EIF4A3: variants seen among roughly 807,000 people sequenced by gnomAD.
EIF4A3 encodes eukaryotic translation initiation factor 4A3.
EIF4A3 carries 1 observed loss-of-function variant against 55.6 expected under a neutral mutation model. That is an observed-to-expected ratio of 0.02 (90% CI 0.01 to 0.09). EIF4A3 has a LOEUF of 0.09. EIF4A3 is among the 10% of genes least tolerant of loss of function. EIF4A3 has a pLI of 1.00. For missense variants in EIF4A3, 221 were observed against 540.7 expected, an observed-to-expected ratio of 0.41 and a Z score of 5.86; for synonymous variants, 194 against 196.3, an observed-to-expected ratio of 0.99 and a Z score of 0.10.
chr17:80,136,178 A>G (rs1479980207), intron 10 of EIF4A3, 47 bp from the exon 11 acceptor site: 2 of 1,613,332 alleles, frequency 1.2e-6, no homozygotes, highest in Admixed American at 3.3e-5. Context: ...AACAATCAAG[A>G]TTTAGTAAAT....
At chr17:80,139,245 G>A in intron 6 of EIF4A3, 83 bp from the exon 7 acceptor site, 1 of 1,552,350 alleles carries the variant, frequency 6.4e-7, no homozygotes. Context: ...GTTCCCACTG[G>A]GTTAGAGGCA....
intron 1 of EIF4A3, among the ~76,000 whole-genome samples, chr17:80,144,674 AAAAAAAACAAC>A (rs1400169636): frequency 6.6e-6 from 1 of 152,114 alleles, no homozygotes; most frequent in African/African-American, 2.4e-5. Context: ...TTAAATTAAA[AAAAAAAACAAC>A]AAAAAAACAG....
intron 9 of EIF4A3, 31 bp downstream of exon 9, chr17:80,137,355 G>A: frequency 6.3e-7 from 1 of 1,597,316 alleles, no homozygotes; most frequent in Non-Finnish European, 8.6e-7. Context: ...AGCAAACCCT[G>A]ACCTGCAGAG....
At chr17:80,136,400 T>G in intron 9 of EIF4A3, 65 bp from the exon 10 acceptor site, 1 of 1,340,970 alleles carries the variant, frequency 7.5e-7, no homozygotes, top group East Asian at 2.3e-5. Flanking sequence ...TGGACTTGCT[T>G]CCATTGCTAA....
chr17:80,136,339 CA>C lies in EIF4A3; in HGVS notation c.984-5del, dbSNP rs2039569670. The C allele has an allele frequency of 4.4e-6, 7 of 1,608,236 alleles. No individual in the cohort carries two copies. The highest frequency in any genetic ancestry group is 5.9e-6 in the Non-Finnish European group (7 of 1,177,210). The stretch of plus-strand genomic sequence containing the variant: ...ATCTGTAGAAATAAGCACTCGGCTG[CA>C]AAAAGAAAGAGTGTTTGAGGCGATT... On this transcript the variant is annotated splice_polypyrimidine_tract_variant and splice_region_variant and intron_variant, in intron 9 of 11. Transcript: ENST00000649764.
intron 9 of EIF4A3, 169 bp downstream of exon 9, chr17:80,137,217 C>T (rs1029850707): frequency 5.1e-5 from 28 of 549,852 alleles, no homozygotes; most frequent in African/African-American, 3.9e-4. Context: ...AGGAGCACAG[C>T]GGACCCCTCC....
rs1462960411 is a variant in EIF4A3, at chr17:80,134,542, G to T, written c.*948C>A. 6.6e-6 allele frequency among the ~76,000 whole-genome samples: 1 copy of T among 151,946 alleles called. No homozygotes were observed. Among genetic ancestry groups the T allele is most frequent in the East Asian group, 1.9e-4 (1 of 5,182 alleles). On this transcript the variant is annotated 3_prime_UTR_variant, in exon 12 of 12. Coordinates refer to ENST00000649764, the MANE Select transcript of EIF4A3 (RefSeq NM_014740.4). ...CAAAAAAAAAAAATTAGAAAAATGA[G>T]GCCAGGCATGGTGGCTCACACCTGT...
intron 5 of EIF4A3, 128 bp downstream of exon 5, chr17:80,139,880 C>G: frequency 6.6e-7 from 1 of 1,507,170 alleles, no homozygotes; most frequent in South Asian, 1.3e-5. Context: ...CTTCCCTCTA[C>G]CTCCTGCAAG....
intron 4 of EIF4A3, 66 bp from the exon 5 acceptor site, chr17:80,140,206 A>G (rs531114424): frequency 2.1e-6 from 3 of 1,447,192 alleles, no homozygotes; most frequent in Non-Finnish European, 1.8e-6. Flanking sequence ...CCAAAAAGAA[A>G]GACTGTTTCT....
At chr17:80,142,147 A>G (rs550775951) in intron 2 of EIF4A3, among the ~76,000 whole-genome samples, 14 of 152,174 alleles carry the variant, frequency 9.2e-5, no homozygotes, top group Middle Eastern at 3.4e-3. Context: ...TCTAAATACA[A>G]CTCTTTTCCT....
chr17:80,137,539 A>G (rs1481515912), intron 8 of EIF4A3, 38 bp from the exon 9 acceptor site: 1 of 1,550,812 alleles, frequency 6.4e-7, no homozygotes, highest in Non-Finnish European at 8.9e-7. Flanking sequence ...GCAAGCTAGT[A>G]TACCAAAGCA....
rs1233726210 is a variant in EIF4A3, at chr17:80,134,984, T to C, written c.*506A>G. 6.6e-6 allele frequency among the ~76,000 whole-genome samples: 1 copy of C among 151,806 alleles called. No homozygotes were observed. Among genetic ancestry groups the C allele is most frequent in the African/African-American group, 2.4e-5 (1 of 41,302 alleles). ...GGCTAACACGGTGAAACCCCGTCTCTACTGAAAATACAAAAAAATTAGCCT... is the reference window on the plus strand; with the variant it reads ...GGCTAACACGGTGAAACCCCGTCTCCACTGAAAATACAAAAAAATTAGCCT... On this transcript the variant is annotated 3_prime_UTR_variant, in exon 12 of 12. Coordinates refer to ENST00000649764, the MANE Select transcript of EIF4A3 (RefSeq NM_014740.4).
intron 4 of EIF4A3, among the ~76,000 whole-genome samples, chr17:80,140,806 T>C (rs966188366): frequency 4.6e-5 from 7 of 152,176 alleles, no homozygotes; most frequent in African/African-American, 1.7e-4. Context: ...ACAATTTATT[T>C]TTTTTTTGAG....
chr17:80,140,143 G>A lies in EIF4A3; in HGVS notation c.373-3C>T. 1 of 1,592,028 alleles carries A rather than the reference G, an allele frequency of 6.3e-7. No homozygotes were observed. Among genetic ancestry groups the A allele is most frequent in the Non-Finnish European group, 8.6e-7 (1 of 1,168,038 alleles). ...TAGTCACCGAGAGCAAGCAGCCCCT[G>A]AAACAAAGCACAGGTTCACGTCCAG... On this transcript the variant is annotated splice_polypyrimidine_tract_variant and splice_region_variant and intron_variant, in intron 4 of 11. Transcript: ENST00000649764.
Position 80,141,921 on chromosome 17 carries a change from G to A in EIF4A3, c.243-73C>T. On this transcript the variant is annotated intron_variant, in intron 2 of 11. Coordinates refer to ENST00000649764, the MANE Select transcript of EIF4A3 (RefSeq NM_014740.4). ...GCCACAGCTGCACTCCAAGGCCTGG[G>A]CTCCAGAGGCACTTAGGTACCTTCT... is the stretch of plus-strand genomic sequence containing the variant. 7 of 1,253,966 alleles carry A rather than the reference G, an allele frequency of 5.6e-6. No homozygotes were observed. The South Asian group carries it at 8.7e-5, about 16-fold the overall frequency. The allele number at this position is 1,253,966 out of a possible 1,614,324, so 77.7% of individuals were successfully genotyped here.
chr17:80,138,481 T>A (rs531093579), intron 7 of EIF4A3: 2 of 569,780 alleles, frequency 3.5e-6, no homozygotes, highest in Non-Finnish European at 6.2e-6. Context: ...ACTTAACATT[T>A]CACAATGTGC....
intron 2 of EIF4A3, 34 bp downstream of exon 2, chr17:80,144,138 A>G: frequency 6.2e-7 from 1 of 1,610,558 alleles, no homozygotes; most frequent in Non-Finnish European, 8.5e-7. Context: ...CCAAATTTAC[A>G]TCCAGCCCTG....
Position 80,135,358 on chromosome 17 carries a change from G to A in EIF4A3, c.*132C>T, listed in dbSNP as rs111881225. Reference sequence around the variant, plus strand: ...CAGAATCCCCATATCCTCTTCAAAGGAAGGGAGACGGCAGGCCATTTATGA... The same window carrying A: ...CAGAATCCCCATATCCTCTTCAAAGAAAGGGAGACGGCAGGCCATTTATGA... On this transcript the variant is annotated 3_prime_UTR_variant, in exon 12 of 12. Transcript: ENST00000649764. 7,493 of 955,622 alleles carry A rather than the reference G, an allele frequency of 7.8e-3. 34 individuals carry two copies. The highest frequency in any genetic ancestry group is 9.8e-3 in the Non-Finnish European group (6,494 of 662,730). The allele number at this position is 955,622 out of a possible 1,614,324, so 59.2% of individuals were successfully genotyped here. A position where few individuals can be genotyped will look rare whatever the true frequency, so the allele number is the denominator to read the frequency against.
intron 2 of EIF4A3, 98 bp from the exon 3 acceptor site, chr17:80,141,946 T>G (rs1300915039): frequency 2.2e-6 from 2 of 929,900 alleles, no homozygotes; most frequent in Non-Finnish European, 3.4e-6. Context: ...AGGTACCTTC[T>G]TCCAGCAAGC....
Sources: gnomAD v4.1 joint callset for allele counts (sites outside exome capture counted in the v4.1 genomes callset) on GRCh38, gnomAD v4.1.1 for gene constraint, MANE v1.5 for transcripts, NCBI Gene and HGNC (gene_info 2026-07-23, HGNC 2026-07-21) for gene names.